Variants in PLPPR1 observed in about 807,000 individuals in gnomAD.
PLPPR1 encodes phospholipid phosphatase-related protein type 1.
A neutral mutation model predicts 33.1 loss-of-function variants in PLPPR1; 10 were observed. The observed-to-expected ratio is 0.30, with a 90% confidence interval of 0.19 to 0.51. The LOEUF is 0.51. Ranked by LOEUF, PLPPR1 falls within the 20% of genes least tolerant of loss-of-function variation. The pLI, the probability that PLPPR1 is intolerant of heterozygous loss-of-function variation, is 0.97. For synonymous variants in PLPPR1, 151 were observed against 151.0 expected (o/e 1.00, Z 0.00); for missense variants, 304 against 408.1 (o/e 0.74, Z 2.20).
At position 101,286,113 on chromosome 9, in the gene PLPPR1, G is replaced by A; in HGVS notation, c.262G>A (p.Gly88Ser). 6.2e-7 allele frequency: 1 copy of A among 1,611,532 alleles called. No individual in the cohort carries two copies. Among genetic ancestry groups the A allele is most frequent in the Non-Finnish European group, 8.5e-7 (1 of 1,178,250 alleles). ...AACATTCCTTCCCTAGATTTTTATT[G>A]GTGAGATATCCATGTATTTCATAAA... ...AATPTAIIFIGEISMYFIKST... is the reference protein window; with the variant it reads ...AATPTAIIFISEISMYFIKST... The change falls in exon 4 of 8, where the codon GGT becomes AGT. Residue 88 changes from glycine to serine, a missense_variant. Gly to Ser is a moderately conservative substitution (Grantham distance 56). Transcript: ENST00000374874.
intron 7 of PLPPR1, among the ~76,000 whole-genome samples, chr9:101,318,045 T>G (rs1394250988): frequency 6.6e-6 from 1 of 152,124 alleles, no homozygotes; most frequent in African/African-American, 2.4e-5. Context: ...AACTCATAGA[T>G]AAGGAGCAGG....
At chr9:101,077,614 A>G (rs565790259) in intron 1 of PLPPR1, among the ~76,000 whole-genome samples, 2 of 152,316 alleles carry the variant, frequency 1.3e-5, no homozygotes, top group Non-Finnish European at 2.9e-5. Flanking sequence ...GTGAGGGGGT[A>G]GGAAGCTGAC....
At chr9:101,149,817 A>C (rs575612799) in intron 1 of PLPPR1, among the ~76,000 whole-genome samples, 1 of 151,898 alleles carries the variant, frequency 6.6e-6, no homozygotes, top group South Asian at 2.1e-4. Flanking sequence ...TGTCTTTTTT[A>C]TCTTCAGTTT....
At chr9:101,161,291 A>G (rs1292369920) in intron 1 of PLPPR1, among the ~76,000 whole-genome samples, 1 of 152,214 alleles carries the variant, frequency 6.6e-6, no homozygotes, top group Non-Finnish European at 1.5e-5. Flanking sequence ...TGACGAGAAG[A>G]ATATGGACAC....
At chr9:101,096,806 T>C (rs777453534) in intron 1 of PLPPR1, among the ~76,000 whole-genome samples, 8 of 152,186 alleles carry the variant, frequency 5.3e-5, no homozygotes, top group Non-Finnish European at 8.8e-5. Flanking sequence ...GGTTCACACC[T>C]GTAATCCCAG....
chr9:101,251,153 A>G (rs1433181743), intron 2 of PLPPR1, among the ~76,000 whole-genome samples: 1 of 152,096 alleles, frequency 6.6e-6, no homozygotes, highest in African/African-American at 2.4e-5. Context: ...TTAAACCGAT[A>G]GCCCCCAAAT....
At chr9:101,242,051 C>T (rs1827481133) in intron 2 of PLPPR1, among the ~76,000 whole-genome samples, 1 of 151,906 alleles carries the variant, frequency 6.6e-6, no homozygotes, top group Admixed American at 6.6e-5. Context: ...CCAGGGAATC[C>T]AAAATGGTTC....
At position 101,222,558 on chromosome 9, in the gene PLPPR1, T is replaced by A. The variant is rs189417333; in HGVS notation, c.63+37001T>A. Among the ~76,000 whole-genome samples, 799 of 152,288 alleles carry A rather than the reference T, an allele frequency of 5.2e-3. 12 individuals carry two copies. Among genetic ancestry groups the A allele is most frequent in the Middle Eastern group, 6.8e-3 (2 of 294 alleles). On this transcript the variant is annotated intron_variant, in intron 2 of 7. Transcript: ENST00000374874. ...TCTAATATTTGAGTTCTATGTAAGA[T>A]TGTGTCTGTGAAGGACATTTTACAC...
Position 101,312,897 on chromosome 9 carries a change from C to A in PLPPR1, c.736C>A (p.Arg246=). The A allele has an allele frequency of 1.2e-6, 2 of 1,614,148 alleles. No homozygotes were observed. Among genetic ancestry groups the A allele is most frequent in the Non-Finnish European group, 1.7e-6 (2 of 1,180,022 alleles). The change falls in exon 6 of 8, where the codon CGG becomes AGG. Residue 246 remains arginine (R), a synonymous_variant. Coordinates refer to ENST00000374874, the MANE Select transcript of PLPPR1 (RefSeq NM_207299.2). ...CACAGCCTTCCTGACAGGCCTCAAC[C>A]GGGTCTCTGAGTATCGGAACCACTG... ...LCTAFLTGLN[R]VSEYRNHCSD... is the part of the protein sequence containing the mutation.
In PLPPR1 at chr9:101,060,090, T is replaced by A. The variant is rs79821174; in HGVS notation, c.-46+30988T>A. Among the ~76,000 whole-genome samples the A allele has an allele frequency of 0.017, 2,524 of 152,142 alleles. 137 individuals carry two copies. The South Asian group carries it at 0.19, about 12-fold the overall frequency. On this transcript the variant is annotated intron_variant, in intron 1 of 7. Coordinates refer to ENST00000374874, the MANE Select transcript of PLPPR1 (RefSeq NM_207299.2). ...ACCTAAGTTATCATCAATGGATGAA[T>A]GGATAAAGAAAATCAGTTATATATA...
intron 1 of PLPPR1, among the ~76,000 whole-genome samples, chr9:101,069,483 A>G (rs1830458402): frequency 6.6e-6 from 1 of 152,084 alleles, no homozygotes; most frequent in South Asian, 2.1e-4. Context: ...AGGCCTGGCC[A>G]TCCCAGTGAT....
At chr9:101,318,510 G>A (rs1351542430) in intron 7 of PLPPR1, among the ~76,000 whole-genome samples, 4 of 152,016 alleles carry the variant, frequency 2.6e-5, no homozygotes, top group East Asian at 1.9e-4. Flanking sequence ...GGTGGCTCAC[G>A]CCTGTAATCC....
chr9:101,265,998 A>T (rs1342997490), intron 2 of PLPPR1, among the ~76,000 whole-genome samples: 1 of 151,988 alleles, frequency 6.6e-6, no homozygotes, highest in Non-Finnish European at 1.5e-5. Context: ...ACCGCCTCAA[A>T]AAAAAAAGGT....
intron 1 of PLPPR1, among the ~76,000 whole-genome samples, chr9:101,086,180 A>G (rs1830672829): frequency 6.6e-6 from 1 of 152,194 alleles, no homozygotes; most frequent in South Asian, 2.1e-4. Context: ...GAGGACATTT[A>G]TCTCTGTATA....
chr9:101,134,945 TC>T (rs1470271639), intron 1 of PLPPR1, among the ~76,000 whole-genome samples: 2 of 151,428 alleles, frequency 1.3e-5, no homozygotes, highest in Non-Finnish European at 2.9e-5. Flanking sequence ...CTGCAGAGAG[TC>T]GAGCTTATGG....
chr9:101,207,724 CT>C (rs1826616547), intron 2 of PLPPR1, among the ~76,000 whole-genome samples: 1 of 152,150 alleles, frequency 6.6e-6, no homozygotes, highest in Non-Finnish European at 1.5e-5. Context: ...CATTATCTAC[CT>C]GTGTGGTCCT....
intron 2 of PLPPR1, among the ~76,000 whole-genome samples, chr9:101,267,811 C>T (rs756898126): frequency 2.0e-5 from 3 of 152,116 alleles, no homozygotes; most frequent in Non-Finnish European, 2.9e-5. Context: ...CCTGTCCTTC[C>T]AATTTCTCCT....
intron 4 of PLPPR1, among the ~76,000 whole-genome samples, chr9:101,300,868 G>A (rs538386014): frequency 6.6e-6 from 1 of 152,238 alleles, no homozygotes; most frequent in South Asian, 2.1e-4. Context: ...GTATTAAGCA[G>A]CATTTGGCAT....
chr9:101,261,494 A>G (rs1827898541), intron 2 of PLPPR1, among the ~76,000 whole-genome samples: 2 of 152,174 alleles, frequency 1.3e-5, no homozygotes, highest in Non-Finnish European at 1.5e-5. Context: ...TCATATACAC[A>G]CTGGTACATT....
Sources: gnomAD v4.1 joint callset for allele counts (sites outside exome capture counted in the v4.1 genomes callset) on GRCh38, gnomAD v4.1.1 for gene constraint, MANE v1.5 for transcripts, NCBI Gene and HGNC (gene_info 2026-07-23, HGNC 2026-07-21) for gene names.